FAAH2: variants seen among roughly 807,000 people sequenced by gnomAD.
FAAH2 encodes fatty acid amide hydrolase 2, also known as fatty-acid amide hydrolase 2.
FAAH2 carries 60 observed loss-of-function variants against 36.9 expected under a neutral mutation model. The ratio of observed to expected loss-of-function variants is 1.63; its 90% CI spans 1.32 to 2.02. FAAH2 has a LOEUF of 2.02. Among genes scored for constraint, FAAH2 ranks in the 30% most tolerant of loss-of-function variants. FAAH2 has a pLI of 0.00. For synonymous variants in FAAH2, 214 were observed against 143.8 expected (o/e 1.49, Z -3.49); for missense variants, 689 against 397.5 (o/e 1.73, Z -6.23).
At chrX:57,307,990 C>T (rs2052590870) in intron 2 of FAAH2, among the ~76,000 whole-genome samples, 1 of 111,093 alleles carries the variant, frequency 9.0e-6, no homozygotes. Flanking sequence ...CTTTCTGTGG[C>T]TGTGTAGTAT....
intron 7 of FAAH2, among the ~76,000 whole-genome samples, chrX:57,382,522 C>T (rs1164565607): frequency 8.9e-6 from 1 of 111,826 alleles, no homozygotes. Context: ...GAAGTACAAA[C>T]TACCATCACA....
At chrX:57,152,658 T>G in the FAAH2 span, among the ~76,000 whole-genome samples, 1 of 111,958 alleles carries the variant, frequency 8.9e-6, no homozygotes, top group African/African-American at 3.2e-5. Flanking sequence ...ATTTTCCAGG[T>G]GCCATCTGTC....
At chrX:57,408,341 A>G (rs1423687870) in intron 7 of FAAH2, among the ~76,000 whole-genome samples, 1 of 110,646 alleles carries the variant, frequency 9.0e-6, no homozygotes. Context: ...CATCAATGTT[A>G]TATAGTTATT....
In FAAH2 at chrX:57,359,805, C is replaced by T. The variant is rs186547372; in HGVS notation, c.742+18415C>T. On this transcript the variant is annotated intron_variant, in intron 5 of 10. Transcript: ENST00000374900. ...GTTATTTATGGTTTTATGTTGCTAA[C>T]AAGTGTCTTTTGATTTCAACTTGAA... Among the ~76,000 whole-genome samples, 5 of 111,433 alleles carry T rather than the reference C, an allele frequency of 4.5e-5. No individual in the cohort carries two copies. In the Admixed American group the frequency reaches 4.8e-4, roughly 11 times the overall value.
intron 5 of FAAH2, 120 bp from the exon 6 acceptor site, chrX:57,378,531 A>G: frequency 1.1e-6 from 1 of 876,427 alleles, no homozygotes; most frequent in Non-Finnish European, 1.6e-6. Flanking sequence ...ATATAAGAAG[A>G]CCTGAAAAGT....
At chrX:57,374,778 T>G (rs1489682047) in intron 5 of FAAH2, among the ~76,000 whole-genome samples, 1 of 111,447 alleles carries the variant, frequency 9.0e-6, no homozygotes, top group East Asian at 2.8e-4. Context: ...GGCATCCTTG[T>G]CTTGTTCCAG....
intron 3 of FAAH2, among the ~76,000 whole-genome samples, chrX:57,314,685 A>T (rs181697661): frequency 1.5e-3 from 169 of 111,389 alleles, no homozygotes; most frequent in Middle Eastern, 4.6e-3. Context: ...TCTTAGGTGA[A>T]CATCAAAATT....
At chrX:57,470,068 A>C (rs756171170) in intron 10 of FAAH2, among the ~76,000 whole-genome samples, 45 of 111,600 alleles carry the variant, frequency 4.0e-4, no homozygotes, top group African/African-American at 1.3e-3. Context: ...AAAGACACAA[A>C]ACACCAGAAT....
At chrX:57,472,016 G>C (rs2057177641) in intron 10 of FAAH2, among the ~76,000 whole-genome samples, 1 of 111,912 alleles carries the variant, frequency 8.9e-6, no homozygotes, top group South Asian at 3.7e-4. Context: ...TTAACAGGTG[G>C]TGCTGGGAAA....
At chrX:57,329,018 G>T (rs941874239) in intron 3 of FAAH2, among the ~76,000 whole-genome samples, 2 of 111,859 alleles carry the variant, frequency 1.8e-5, no homozygotes, top group African/African-American at 6.5e-5. Context: ...GCCAGCCAAA[G>T]AACTTCATAG....
At chrX:57,236,344 T>C in the FAAH2 span, among the ~76,000 whole-genome samples, 1 of 112,414 alleles carries the variant, frequency 8.9e-6, no homozygotes, top group Non-Finnish European at 1.9e-5. Context: ...TTTAAATATC[T>C]TTCCATATAA....
chrX:57,440,188 G>A (rs968309813), intron 8 of FAAH2, among the ~76,000 whole-genome samples: 10 of 110,947 alleles, frequency 9.0e-5, no homozygotes, highest in Admixed American at 1.9e-4. Flanking sequence ...AAATTACCTT[G>A]GGCAGTATGA....
At chrX:57,269,582 C>T in the FAAH2 span, among the ~76,000 whole-genome samples, 3 of 111,472 alleles carry the variant, frequency 2.7e-5, no homozygotes, top group Non-Finnish European at 5.7e-5. Flanking sequence ...TCACTCAAAA[C>T]CATATAATTA....
chrX:57,323,190 T>C (rs955945253), intron 3 of FAAH2, among the ~76,000 whole-genome samples: 5 of 111,891 alleles, frequency 4.5e-5, no homozygotes, highest in African/African-American at 1.6e-4. Flanking sequence ...CACATACTAT[T>C]CCATGGTGTA....
At chrX:57,378,877 C>T (rs1464367778) in intron 6 of FAAH2, 91 bp downstream of exon 6, 2 of 1,038,781 alleles carry the variant, frequency 1.9e-6, no homozygotes, top group South Asian at 2.2e-5. Flanking sequence ...ACTTTCAGTC[C>T]TCAAGCAAAT....
chrX:57,360,471 C>T (rs973314489), intron 5 of FAAH2, among the ~76,000 whole-genome samples: 6 of 109,475 alleles, frequency 5.5e-5, no homozygotes, highest in African/African-American at 2.0e-4. Flanking sequence ...ACCCCTCTAC[C>T]AAATTTTGCA....
chrX:57,444,407 C>T (rs1360190323), intron 8 of FAAH2, among the ~76,000 whole-genome samples: 1 of 112,218 alleles, frequency 8.9e-6, no homozygotes, highest in Non-Finnish European at 1.9e-5. Flanking sequence ...ACCCTCTGAG[C>T]CAGGCACAGG....
At chrX:57,352,069 C>T (rs78038063) in intron 5 of FAAH2, among the ~76,000 whole-genome samples, 8,319 of 15,577 alleles carry the variant, frequency 0.53, 1,801 homozygotes, top group East Asian at 0.86. Flanking sequence ...TATATATACA[C>T]ATATATATAT....
the FAAH2 span, among the ~76,000 whole-genome samples, chrX:57,228,152 G>A: frequency 8.9e-6 from 1 of 112,026 alleles, no homozygotes; most frequent in African/African-American, 3.2e-5. Flanking sequence ...CTGAGTTCTG[G>A]CCTTGAGACT....
Sources: gnomAD v4.1 joint callset for allele counts (sites outside exome capture counted in the v4.1 genomes callset) on GRCh38, gnomAD v4.1.1 for gene constraint, MANE v1.5 for transcripts, NCBI Gene and HGNC (gene_info 2026-07-23, HGNC 2026-07-21) for gene names.